CSN1S1: variants seen among roughly 807,000 people sequenced by gnomAD.
CSN1S1 encodes the protein casein alpha s1, also known as alpha-S1-casein.
In CSN1S1, 63 loss-of-function variants were observed where a neutral mutation model predicts 49.1. The observed-to-expected ratio is 1.28, with a 90% CI of 1.05 to 1.58. CSN1S1 has a LOEUF of 1.58. Ranked by LOEUF, CSN1S1 falls within the 40% of genes most tolerant of loss-of-function variation. The pLI, the probability that CSN1S1 is intolerant of heterozygous loss-of-function variation, is 0.00. For synonymous variants in CSN1S1, 78 were observed against 67.1 expected (o/e 1.16, Z -0.79); for missense variants, 260 against 224.7 (o/e 1.16, Z -1.01).
At chr4:69,942,722 T>A in intron 14 of CSN1S1, 145 bp downstream of exon 14, 1 of 651,446 alleles carries the variant, frequency 1.5e-6, no homozygotes, top group Non-Finnish European at 2.7e-6. Flanking sequence ...TTCTGACAAC[T>A]TCTAAGCATA....
chr4:69,943,690 G>A lies in CSN1S1; in HGVS notation c.402+1113G>A, dbSNP rs374008107. ...GAAATTTATTTGGTTAACAGTTGTG[G>A]AGGCTGTAAGTCCAAGATTGAGAGG... On this transcript the variant is annotated intron_variant, in intron 14 of 15. Transcript: ENST00000246891. Among the ~76,000 whole-genome samples, 3 of 151,934 alleles carry A rather than the reference G, an allele frequency of 2.0e-5. No individual in the cohort carries two copies. In the South Asian group the frequency reaches 6.2e-4, roughly 31 times the overall value.
At chr4:69,933,306 A>C (rs1289637675) in intron 2 of CSN1S1, among the ~76,000 whole-genome samples, 3 of 152,060 alleles carry the variant, frequency 2.0e-5, no homozygotes, top group African/African-American at 7.2e-5. Flanking sequence ...AACAGGAATC[A>C]CCTGACTGGA....
Position 69,943,714 on chromosome 4 carries a change from G to A in CSN1S1, c.403-1136G>A, listed in dbSNP as rs181367315. Among the ~76,000 whole-genome samples, 36 of 152,048 alleles carry A rather than the reference G, an allele frequency of 2.4e-4. No homozygotes were observed. The East Asian group carries it at 6.2e-3, about 26-fold the overall frequency. On this transcript the variant is annotated intron_variant, in intron 14 of 15. Coordinates refer to ENST00000246891, the MANE Select transcript of CSN1S1 (RefSeq NM_001890.2). ...GGAGGCTGTAAGTCCAAGATTGAGAGGCCAACATCTGTCAAGCTAGGGCCT... is the reference window on the plus strand; with the variant it reads ...GGAGGCTGTAAGTCCAAGATTGAGAAGCCAACATCTGTCAAGCTAGGGCCT...
At chr4:69,936,348 AT>A in intron 5 of CSN1S1, 107 bp from the exon 6 acceptor site, 1 of 882,404 alleles carries the variant, frequency 1.1e-6, no homozygotes, top group Non-Finnish European at 1.8e-6. Context: ...AAATGGATTT[AT>A]TTTTAAATTT....
intron 8 of CSN1S1, 21 bp from the exon 9 acceptor site, chr4:69,937,779 G>T: frequency 4.4e-6 from 7 of 1,577,964 alleles, no homozygotes; most frequent in Non-Finnish European, 6.0e-6. Context: ...AAATGAAATT[G>T]ATTATTTTTT....
At chr4:69,934,267 C>G in intron 3 of CSN1S1, 23 bp downstream of exon 3, 1 of 1,604,902 alleles carries the variant, frequency 6.2e-7, no homozygotes, top group Non-Finnish European at 8.5e-7. Flanking sequence ...TTCTGCATTC[C>G]AAGAACTCAC....
intron 2 of CSN1S1, 136 bp downstream of exon 2, chr4:69,932,742 T>C (rs1414659427): frequency 1.3e-6 from 1 of 755,330 alleles, no homozygotes. Flanking sequence ...GTCTTGACAA[T>C]AGAAATGCAG....
Position 69,935,911 on chromosome 4 carries a change from CT to C in CSN1S1, c.106-5del, listed in dbSNP as rs749035090. 4,343 of 1,281,790 alleles carry C rather than the reference CT, an allele frequency of 3.4e-3. No individual in the cohort carries two copies. Among genetic ancestry groups the C allele is most frequent in the Admixed American group, 5.4e-3 (229 of 42,584 alleles). 79.4% of individuals were successfully genotyped at this position (1,281,790 alleles called of 1,614,324 possible). A position where few individuals can be genotyped will look rare whatever the true frequency, so the allele number is the denominator to read the frequency against. On this transcript the variant is annotated splice_polypyrimidine_tract_variant and intron_variant, in intron 4 of 15. Coordinates refer to ENST00000246891, the MANE Select transcript of CSN1S1 (RefSeq NM_001890.2). ...CAACTATGAATGAATTTTAACATAA[CT>C]TTTTTTTTTGTAGCCTATACCATTA...
rs1426641060 is a variant in CSN1S1 at position 69,932,624 on chromosome 4, T to C, written c.51+18T>C. 2 of 1,582,060 alleles carry C rather than the reference T, an allele frequency of 1.3e-6. No homozygotes were observed. Among genetic ancestry groups the C allele is most frequent in the Non-Finnish European group, 1.7e-6 (2 of 1,160,374 alleles). On this transcript the variant is annotated intron_variant, in intron 2 of 15. Transcript: ENST00000246891. ...CCAGGCCTGTAAGTTCAGTAGAGAA[T>C]TTAGAAAGTCTTAGACTCTTGTTAG... is the stretch of plus-strand genomic sequence containing the variant.
At chr4:69,941,614 G>A (rs1722969469) in intron 12 of CSN1S1, among the ~76,000 whole-genome samples, 1 of 151,824 alleles carries the variant, frequency 6.6e-6, no homozygotes, top group African/African-American at 2.4e-5. Flanking sequence ...AAGGCTTTGG[G>A]AAATGCTTGG....
rs987682039 is a variant in CSN1S1, at chr4:69,940,043, C to A, written c.299C>A (p.Ala100Glu). The A allele has an allele frequency of 3.7e-6, 5 of 1,365,486 alleles. No individual in the cohort carries two copies. Among genetic ancestry groups the A allele is most frequent in the Middle Eastern group, 1.9e-4 (1 of 5,208 alleles). The allele number at this position is 1,365,486 out of a possible 1,614,324, so 84.6% of individuals were successfully genotyped here. ...AAGGAAATGTCTCTCAGTAAGTGTGCGGTAAGACATATTTGCTAAATTTAA... is the reference window on the plus strand; with the variant it reads ...AAGGAAATGTCTCTCAGTAAGTGTGAGGTAAGACATATTTGCTAAATTTAA... The part of the protein sequence containing the change: ...SSEEMSLSKC[A>E]EQFCRLNEYN... Residue 100 changes from alanine to glutamate, a missense_variant and splice_region_variant, in exon 11 of 16, where the codon GCG (alanine) becomes GAG (glutamate). Ala to Glu is a moderately radical substitution (Grantham distance 107). Coordinates refer to ENST00000246891, the MANE Select transcript of CSN1S1 (RefSeq NM_001890.2).
rs1305104351 is a variant in CSN1S1 at position 69,937,951 on chromosome 4, C to G, written c.243+128C>G. On this transcript the variant is annotated intron_variant, in intron 9 of 15. Transcript: ENST00000246891. ...AAGAAACTGAATTTTAAAATGTTAA[C>G]ATTTTAATTTTAAATTAATCCTATT... is the stretch of plus-strand genomic sequence containing the variant. The G allele has an allele frequency of 5.5e-6, 3 of 545,956 alleles. No individual in the cohort carries two copies. In the African/African-American group the frequency reaches 6.0e-5, roughly 11 times the overall value. 33.8% of individuals were successfully genotyped at this position (545,956 alleles called of 1,614,324 possible).
Position 69,944,994 on chromosome 4 carries a change from C to T in CSN1S1, c.547C>T (p.Leu183=). 6.2e-7 allele frequency: 1 copy of T among 1,612,436 alleles called. No homozygotes were observed. ...AAATTATGAAAAAAATAACGTCATG[C>T]TACAGTGGTGGTAAGTTCATTTAAA... is the stretch of plus-strand genomic sequence containing the variant. ...HENYEKNNVM[L]QW The change falls in exon 15 of 16, where the codon CTA becomes TTA. Residue 183 remains leucine (L), a synonymous_variant. Transcript: ENST00000246891.
At chr4:69,940,749 C>T (rs1366609119) in intron 11 of CSN1S1, among the ~76,000 whole-genome samples, 1 of 151,710 alleles carries the variant, frequency 6.6e-6, no homozygotes, top group Non-Finnish European at 1.5e-5. Context: ...CTTAATAATT[C>T]TGATATATTG....
At chr4:69,945,132 A>C in intron 15 of CSN1S1, 128 bp downstream of exon 15, 1 of 948,694 alleles carries the variant, frequency 1.1e-6, no homozygotes, top group East Asian at 2.6e-5. Context: ...CAAAGGACTA[A>C]TATGTTCTGA....
chr4:69,932,872 G>A (rs1011433379), intron 2 of CSN1S1, among the ~76,000 whole-genome samples: 3 of 151,844 alleles, frequency 2.0e-5, no homozygotes, highest in South Asian at 2.1e-4. Context: ...TTAAAAGTAA[G>A]AAAAAGAATA....
chr4:69,936,061 T>C (rs999356461), intron 5 of CSN1S1, 112 bp downstream of exon 5: 1 of 832,402 alleles, frequency 1.2e-6, no homozygotes, highest in African/African-American at 1.8e-5. Flanking sequence ...GATAACAAAT[T>C]TGAGTGGAAC....
rs1224334293 is a variant in CSN1S1, at chr4:69,936,436, T to C, written c.130-20T>C. The C allele has an allele frequency of 1.3e-6, 2 of 1,517,006 alleles. No homozygotes were observed. Among genetic ancestry groups the C allele is most frequent in the Non-Finnish European group, 1.8e-6 (2 of 1,096,190 alleles). The allele number at this position is 1,517,006 out of a possible 1,614,324, so 94.0% of individuals were successfully genotyped here. On this transcript the variant is annotated intron_variant, in intron 5 of 15. Coordinates refer to ENST00000246891, the MANE Select transcript of CSN1S1 (RefSeq NM_001890.2). ...TCTTGTTTCACTAATATTGTTTATG[T>C]TTTCTTTTTTATCCCTAAGGAATAC...
At chr4:69,940,160 T>C in intron 11 of CSN1S1, 116 bp downstream of exon 11, 1 of 458,150 alleles carries the variant, frequency 2.2e-6, no homozygotes, top group Non-Finnish European at 3.7e-6. Context: ...CGGGAAAACA[T>C]GCTATACCAA....
Sources: allele counts gnomAD v4.1 joint callset (sites outside exome capture counted in the v4.1 genomes callset), GRCh38; gene constraint gnomAD v4.1.1; transcripts MANE v1.5; gene names NCBI Gene and HGNC (gene_info 2026-07-23, HGNC 2026-07-21).